The following IFT140 variants were observed in gnomAD, a reference collection of about 807,000 sequenced individuals.
IFT140 encodes intraflagellar transport protein 140 homolog.
Under a neutral mutation model 164.6 loss-of-function variants are expected in IFT140, and 133 were observed. The ratio of observed to expected loss-of-function variants is 0.81; its 90% CI spans 0.70 to 0.93. The LOEUF is 0.93. Ranked by LOEUF, IFT140 falls within the 40% of genes least tolerant of loss-of-function variation. IFT140 has a pLI of 0.00. For missense variants in IFT140, 2,045 were observed against 1,972.3 expected, an observed-to-expected ratio of 1.04 and a Z score of -0.70; for synonymous variants, 860 against 817.3, an observed-to-expected ratio of 1.05 and a Z score of -0.89.
At chr16:1,610,262 T>C (rs1159747114) in intron 2 of IFT140, 1 of 154,900 alleles carries the variant, frequency 6.5e-6, no homozygotes, top group East Asian at 1.9e-4. Context: ...GCGCTGGCGG[T>C]TTGATGCAAC....
chr16:1,552,389 C>T (rs1370350457), intron 19 of IFT140, among the ~76,000 whole-genome samples: 1 of 152,122 alleles, frequency 6.6e-6, no homozygotes, highest in Non-Finnish European at 1.5e-5. Flanking sequence ...CTCCGCTGTG[C>T]CTGCCCTGCC....
chr16:1,576,306 G>C (rs1349520833), intron 13 of IFT140, among the ~76,000 whole-genome samples: 1 of 127,746 alleles, frequency 7.8e-6, no homozygotes, highest in Non-Finnish European at 1.6e-5. Flanking sequence ...AAAAAAAAAA[G>C]TATGGCCGGG....
At chr16:1,537,014 C>T (rs1318322913) in intron 19 of IFT140, among the ~76,000 whole-genome samples, 1 of 152,236 alleles carries the variant, frequency 6.6e-6, no homozygotes, top group African/African-American at 2.4e-5. Flanking sequence ...CTAGCCTGGC[C>T]ACCCCACTGA....
In IFT140 at chr16:1,523,145, G is replaced by T. The variant is rs561931051; in HGVS notation, c.3453+373C>A. ...GAGGAAGGAGGATTGCTTGAGCCTG[G>T]GAAGTTGAGGCTGCAGTGAACCAAG... is the stretch of plus-strand genomic sequence containing the variant. On this transcript the variant is annotated intron_variant, in intron 26 of 30. Transcript: ENST00000426508. Among the ~76,000 whole-genome samples the T allele has an allele frequency of 1.7e-3, 258 of 151,918 alleles. 2 individuals are homozygous for T. The highest frequency in any genetic ancestry group is 3.5e-3 in the South Asian group (17 of 4,800).
At chr16:1,527,618 C>T (rs1412338177) in intron 19 of IFT140, among the ~76,000 whole-genome samples, 2 of 152,224 alleles carry the variant, frequency 1.3e-5, no homozygotes, top group South Asian at 2.1e-4. Context: ...GTTGCCTAGG[C>T]TGGAGTGCAG....
intron 19 of IFT140, among the ~76,000 whole-genome samples, chr16:1,543,854 C>T (rs1254487449): frequency 2.0e-5 from 3 of 152,020 alleles, no homozygotes; most frequent in Non-Finnish European, 1.5e-5. Context: ...GTGCAGGAAT[C>T]GGAAATGCCG....
chr16:1,518,181 C>T (rs769716457), intron 30 of IFT140, 35 bp downstream of exon 30: 15 of 1,575,272 alleles, frequency 9.5e-6, no homozygotes, highest in Middle Eastern at 2.0e-4. Context: ...CCTTGTGTGG[C>T]GGGATGCTGC....
Position 1,519,939 on chromosome 16 carries a change from TG to T in IFT140, c.3981del (p.Arg1328GlyfsTer12), listed in dbSNP as rs1431530916. 5 of 1,604,108 alleles carry T rather than the reference TG, an allele frequency of 3.1e-6. No individual in the cohort carries two copies. The highest frequency in any genetic ancestry group is 4.3e-6 in the Non-Finnish European group (5 of 1,176,130). On this transcript the variant is annotated frameshift_variant, in exon 29 of 31. Transcript: ENST00000426508. LOFTEE classifies it high-confidence loss of function. ...ATCCTGCTCTGCAGCTGCGCCAGCC[TG>T]GTCTCCTGGTCCAGGGGGCTCTTGG... ...AKAKSPLDQE[T>X]RLAQLQSRMA...
At chr16:1,550,189 C>G (rs2032518127) in intron 19 of IFT140, among the ~76,000 whole-genome samples, 1 of 152,140 alleles carries the variant, frequency 6.6e-6, no homozygotes, top group Non-Finnish European at 1.5e-5. Context: ...ATCTGTCCAC[C>G]TTGGCCTTCC....
intron 19 of IFT140, among the ~76,000 whole-genome samples, chr16:1,549,620 T>A (rs1217314245): frequency 6.6e-6 from 1 of 152,008 alleles, no homozygotes; most frequent in Admixed American, 6.6e-5. Context: ...TTAGTAGAGA[T>A]GGGGTTTCCC....
intron 3 of IFT140, among the ~76,000 whole-genome samples, chr16:1,603,698 G>C (rs2035908301): frequency 6.6e-6 from 1 of 152,158 alleles, no homozygotes. Flanking sequence ...GGCCAGGCTG[G>C]TCTCAAACTC....
intron 19 of IFT140, among the ~76,000 whole-genome samples, chr16:1,538,520 T>C (rs529095647): frequency 6.6e-6 from 1 of 152,220 alleles, no homozygotes; most frequent in African/African-American, 2.4e-5. Context: ...TCCCCCTTCA[T>C]TCTGGTCTTT....
At chr16:1,572,680 C>T (rs557770988) in intron 13 of IFT140, among the ~76,000 whole-genome samples, 2 of 152,296 alleles carry the variant, frequency 1.3e-5, no homozygotes, top group East Asian at 3.9e-4. Flanking sequence ...GCATATACCC[C>T]ACAGTCACCC....
chr16:1,552,061 T>TG (rs2032692348), intron 19 of IFT140, among the ~76,000 whole-genome samples: 1 of 152,132 alleles, frequency 6.6e-6, no homozygotes, highest in South Asian at 2.1e-4. Context: ...CTGGAAGCCA[T>TG]GGGGGGCACA....
intron 21 of IFT140, 95 bp downstream of exon 21, chr16:1,525,792 A>G: frequency 1.6e-6 from 2 of 1,264,966 alleles, no homozygotes; most frequent in South Asian, 3.2e-5. Context: ...TCCTCTAAGA[A>G]CCTCCCTGGC....
In IFT140 at chr16:1,520,658, G is replaced by A; in HGVS notation, c.3604C>T (p.Gln1202Ter). ...TTGGTGGCCAGGTGGTAGCTGCCCT[G>A]GCGCATGCAGCAGTCTGCTATCTGC... ...LEQIADCCMRQGSYHLATKKY... is the reference protein window; with the variant it reads ...LEQIADCCMR The change falls in exon 27 of 31, where the codon CAG becomes TAG. Residue 1202 changes from glutamine to a stop codon, truncating the protein, a stop_gained. Coordinates refer to ENST00000426508, the MANE Select transcript of IFT140 (RefSeq NM_014714.4). LOFTEE classifies it high-confidence loss of function. 6.2e-7 allele frequency: 1 copy of A among 1,604,754 alleles called. No homozygotes were observed. Among genetic ancestry groups the A allele is most frequent in the East Asian group, 2.2e-5 (1 of 44,588 alleles).
intron 15 of IFT140, among the ~76,000 whole-genome samples, chr16:1,567,357 C>T (rs1242752760): frequency 1.3e-5 from 2 of 152,228 alleles, no homozygotes; most frequent in Admixed American, 6.5e-5. Context: ...ACCACGAGTG[C>T]AGACCCTCGA....
chr16:1,526,613 C>T lies in IFT140; in HGVS notation c.2577+6G>A, dbSNP rs1567331399. On this transcript the variant is annotated splice_donor_region_variant and intron_variant, in intron 20 of 30. Transcript: ENST00000426508. ...TCCCACCCACCCCATGGCGGGCGCC[C>T]CTCACCAGCATGCCCAGCTGCGTGG... The T allele has an allele frequency of 6.5e-7, 1 of 1,539,904 alleles. No homozygotes were observed. The highest frequency in any genetic ancestry group is 1.2e-5 in the South Asian group (1 of 83,596).
intron 19 of IFT140, among the ~76,000 whole-genome samples, chr16:1,547,146 T>C (rs546795825): frequency 1.3e-5 from 2 of 152,218 alleles, no homozygotes; most frequent in African/African-American, 4.8e-5. Flanking sequence ...CCCCATTACC[T>C]TGTAATTTGT....
Sources: allele counts gnomAD v4.1 joint callset (sites outside exome capture counted in the v4.1 genomes callset), GRCh38; gene constraint gnomAD v4.1.1; transcripts MANE v1.5; gene names NCBI Gene and HGNC (gene_info 2026-07-23, HGNC 2026-07-21).